Variants in SEMA3A observed in about 807,000 individuals in gnomAD.
The protein encoded by SEMA3A is semaphorin-3A.
SEMA3A carries 29 observed loss-of-function variants against 97.9 expected under a neutral mutation model. The observed-to-expected ratio is 0.30, with a 90% confidence interval of 0.22 to 0.40. The LOEUF (loss-of-function observed/expected upper bound fraction) is 0.40. Ranked by LOEUF, SEMA3A falls within the 10% of genes least tolerant of loss-of-function variation. SEMA3A has a pLI of 1.00. For synonymous variants in SEMA3A, 321 were observed against 323.7 expected (o/e 0.99, Z 0.09); for missense variants, 763 against 951.3 (o/e 0.80, Z 2.60).
intron 1 of SEMA3A, among the ~76,000 whole-genome samples, chr7:84,145,586 A>T (rs909756575): frequency 2.0e-5 from 3 of 152,192 alleles, no homozygotes; most frequent in Non-Finnish European, 4.4e-5. Context: ...ATTATTTATA[A>T]ACTGGCTATC....
intron 3 of SEMA3A, among the ~76,000 whole-genome samples, chr7:84,257,032 A>G (rs945798709): frequency 6.6e-6 from 1 of 152,018 alleles, no homozygotes; most frequent in African/African-American, 2.4e-5. Context: ...TCGATGGTTG[A>G]AAAGGGGATT....
chr7:84,436,588 T>C (rs1327700979), intron 1 of SEMA3A, among the ~76,000 whole-genome samples: 1 of 152,198 alleles, frequency 6.6e-6, no homozygotes, highest in Non-Finnish European at 1.5e-5. Flanking sequence ...GATTGATGTT[T>C]AAACTTATTT....
chr7:84,015,029 A>G (rs1360192743), intron 6 of SEMA3A, among the ~76,000 whole-genome samples: 1 of 152,116 alleles, frequency 6.6e-6, no homozygotes, highest in Admixed American at 6.6e-5. Flanking sequence ...ATTCCTAACT[A>G]GTTTCTTAGT....
intron 1 of SEMA3A, among the ~76,000 whole-genome samples, chr7:84,480,464 A>G (rs1267362716): frequency 2.6e-5 from 4 of 152,208 alleles, no homozygotes; most frequent in Non-Finnish European, 4.4e-5. Flanking sequence ...TTAGAGCATG[A>G]GCATAAAACA....
intron 3 of SEMA3A, among the ~76,000 whole-genome samples, chr7:84,125,081 T>A (rs1562797485): frequency 6.6e-6 from 1 of 152,132 alleles, no homozygotes; most frequent in East Asian, 1.9e-4. Context: ...TTCCTTTCAC[T>A]ATATAAATCA....
chr7:84,401,644 C>A (rs1803907380), intron 1 of SEMA3A, among the ~76,000 whole-genome samples: 1 of 152,058 alleles, frequency 6.6e-6, no homozygotes. Context: ...CAGCATGGTA[C>A]CAGCATAAAA....
rs1286397393 is a variant in SEMA3A at position 83,965,781 on chromosome 7, T to C, written c.1718-2434A>G. ...CTGCAAGCTCCGCCTCCCGGGTTCA[T>C]GCCATTCTCCTGCCTCAGCCTCCCA... On this transcript the variant is annotated intron_variant, in intron 15 of 16. Coordinates refer to ENST00000265362, the MANE Select transcript of SEMA3A (RefSeq NM_006080.3). 7.8e-4 allele frequency among the ~76,000 whole-genome samples: 111 copies of C among 141,552 alleles called. 11 individuals are homozygous for C. The highest frequency in any genetic ancestry group is 2.5e-4 in the South Asian group (1 of 4,044). The allele number at this position is 141,552 out of a possible 152,430, so 92.9% of individuals were successfully genotyped here. A position where few individuals can be genotyped will look rare whatever the true frequency, so the allele number is the denominator to read the frequency against.
intron 4 of SEMA3A, among the ~76,000 whole-genome samples, chr7:84,067,327 A>C (rs1028790035): frequency 5.3e-5 from 8 of 152,176 alleles, no homozygotes; most frequent in Non-Finnish European, 1.0e-4. Flanking sequence ...CCCTAGAAGA[A>C]AACCTAGGCA....
chr7:84,200,798 CTTTT>C (rs33924638), intron 3 of SEMA3A, among the ~76,000 whole-genome samples: 2 of 141,702 alleles, frequency 1.4e-5, no homozygotes, highest in Non-Finnish European at 3.1e-5. Flanking sequence ...GTTTTTTTTC[CTTTT>C]TTTTTTTTTT....
intron 3 of SEMA3A, among the ~76,000 whole-genome samples, chr7:84,266,338 GA>G (rs1562878563): frequency 9.0e-6 from 1 of 111,212 alleles, no homozygotes; most frequent in African/African-American, 3.3e-5. Context: ...AAAAAAAAAA[GA>G]AAAATGTTTC....
chr7:84,180,198 G>T (rs1197634924), intron 1 of SEMA3A, among the ~76,000 whole-genome samples: 1 of 149,878 alleles, frequency 6.7e-6, no homozygotes, highest in Admixed American at 6.7e-5. Flanking sequence ...CGCCCACCTC[G>T]GCCTCCCAAA....
Position 84,243,046 on chromosome 7 carries a change from C to T in SEMA3A, c.-82-48378G>A, listed in dbSNP as rs111672957. Among the ~76,000 whole-genome samples the T allele has an allele frequency of 6.6e-5, 10 of 152,146 alleles. 1 individual carries two copies. Among genetic ancestry groups the T allele is most frequent in the East Asian group, 3.9e-4 (2 of 5,174 alleles). On this transcript the variant is annotated intron_variant, in intron 3 of 3. Coordinates refer to the SEMA3A transcript ENST00000424555. ...AAGCTTTTTGATGTGCTACTGGATT[C>T]GGTTAGTATTTTATTGAAGATTTTC...
chr7:84,410,840 T>C (rs1375349717), intron 1 of SEMA3A, among the ~76,000 whole-genome samples: 1 of 152,188 alleles, frequency 6.6e-6, no homozygotes, highest in East Asian at 1.9e-4. Flanking sequence ...ACTTAGACTC[T>C]TAAAAGCTAT....
chr7:84,013,164 T>C (rs1425765492), intron 7 of SEMA3A, among the ~76,000 whole-genome samples: 3 of 152,198 alleles, frequency 2.0e-5, no homozygotes, highest in Admixed American at 2.0e-4. Context: ...TGTGGGCTTA[T>C]GATTTTCTTT....
chr7:84,031,514 G>T (rs975637829), intron 6 of SEMA3A, among the ~76,000 whole-genome samples: 1 of 151,928 alleles, frequency 6.6e-6, no homozygotes, highest in African/African-American at 2.4e-5. Context: ...AAGCAAATAC[G>T]TAATAATAAC....
intron 1 of SEMA3A, among the ~76,000 whole-genome samples, chr7:84,464,073 T>C (rs1028903313): frequency 6.6e-6 from 1 of 152,192 alleles, no homozygotes; most frequent in African/African-American, 2.4e-5. Context: ...TATTCCTAGT[T>C]TTCCTCATCT....
intron 3 of SEMA3A, among the ~76,000 whole-genome samples, chr7:84,227,883 G>A (rs566092968): frequency 4.0e-4 from 61 of 151,602 alleles, no homozygotes; most frequent in African/African-American, 1.4e-3. Flanking sequence ...TGTAAATGAT[G>A]TAAGTCTCTG....
At chr7:84,250,118 T>C (rs1036617376) in intron 3 of SEMA3A, among the ~76,000 whole-genome samples, 3 of 152,002 alleles carry the variant, frequency 2.0e-5, no homozygotes, top group Non-Finnish European at 4.4e-5. Context: ...GCTGGGGATA[T>C]ATAAACTATA....
intron 6 of SEMA3A, among the ~76,000 whole-genome samples, chr7:84,034,859 G>A (rs796859698): frequency 3.9e-5 from 6 of 152,050 alleles, no homozygotes; most frequent in African/African-American, 1.4e-4. Context: ...ACTAATAAAG[G>A]TTTTTCTAAA....
Sources: gnomAD v4.1 joint callset for allele counts (sites outside exome capture counted in the v4.1 genomes callset) on GRCh38, gnomAD v4.1.1 for gene constraint, MANE v1.5 for transcripts, NCBI Gene and HGNC (gene_info 2026-07-23, HGNC 2026-07-21) for gene names.